Variants in PARD3B observed in about 807,000 individuals in gnomAD.
The protein encoded by PARD3B is par-3 family cell polarity regulator beta.
Under a neutral mutation model 130.2 loss-of-function variants are expected in PARD3B, and 103 were observed. The observed-to-expected ratio is 0.79, with a 90% CI of 0.67 to 0.93. The LOEUF is 0.93. Among genes scored for constraint, PARD3B ranks in the 40% least tolerant of loss-of-function variants. PARD3B has a pLI of 0.00. For missense variants in PARD3B, 1,609 were observed against 1,499.2 expected (o/e 1.07, Z -1.21); for synonymous variants, 583 against 553.2 (o/e 1.05, Z -0.76).
chr2:204,599,114 A>G (rs2033409909), intron 1 of PARD3B, among the ~76,000 whole-genome samples: 2 of 151,924 alleles, frequency 1.3e-5, no homozygotes, highest in African/African-American at 2.4e-5. Flanking sequence ...CTTTCGATAC[A>G]TACAGTGAAG....
intron 1 of PARD3B, among the ~76,000 whole-genome samples, chr2:204,574,884 A>C (rs1353437106): frequency 6.6e-6 from 1 of 152,252 alleles, no homozygotes; most frequent in Non-Finnish European, 1.5e-5. Flanking sequence ...ACATGAATGT[A>C]TAAATTAACA....
intron 1 of PARD3B, among the ~76,000 whole-genome samples, chr2:204,559,456 C>G (rs1042517554): frequency 6.6e-5 from 10 of 152,172 alleles, no homozygotes; most frequent in Non-Finnish European, 1.3e-4. Context: ...CATCACTGAT[C>G]ATCAGAGAAA....
At chr2:204,888,583 T>G (rs566996596) in intron 2 of PARD3B, among the ~76,000 whole-genome samples, 1 of 151,860 alleles carries the variant, frequency 6.6e-6, no homozygotes, top group East Asian at 1.9e-4. Context: ...ATACAATAAT[T>G]AGATGGATGT....
At chr2:205,113,430 GA>G in intron 5 of PARD3B, 60 bp from the exon 6 acceptor site, 1 of 996,816 alleles carries the variant, frequency 1.0e-6, no homozygotes, top group African/African-American at 1.6e-5. Context: ...GTGTATTTTA[GA>G]TGTGCTCCCT....
intron 2 of PARD3B, among the ~76,000 whole-genome samples, chr2:204,736,239 G>A (rs893601724): frequency 2.6e-5 from 4 of 151,822 alleles, no homozygotes; most frequent in Middle Eastern, 3.4e-3. Context: ...AAATGCATTA[G>A]TTAAAACAAA....
chr2:205,358,338 G>A (rs1200299682), intron 18 of PARD3B, among the ~76,000 whole-genome samples: 2 of 152,200 alleles, frequency 1.3e-5, no homozygotes, highest in African/African-American at 2.4e-5. Flanking sequence ...AGTGAACTCT[G>A]ATAAGATTCA....
At chr2:204,766,776 T>A (rs1574931784) in intron 2 of PARD3B, among the ~76,000 whole-genome samples, 1 of 149,052 alleles carries the variant, frequency 6.7e-6, no homozygotes, top group Non-Finnish European at 1.5e-5. Flanking sequence ...TTTCTAAAGC[T>A]TATGAAGTTG....
intron 2 of PARD3B, among the ~76,000 whole-genome samples, chr2:204,893,003 T>A (rs1160530854): frequency 1.3e-5 from 2 of 152,120 alleles, no homozygotes; most frequent in African/African-American, 2.4e-5. Flanking sequence ...ATGGAAGTGG[T>A]TTTTGAATCA....
At chr2:205,519,354 C>G (rs767092043) in intron 21 of PARD3B, among the ~76,000 whole-genome samples, 8 of 152,146 alleles carry the variant, frequency 5.3e-5, no homozygotes, top group African/African-American at 1.9e-4. Context: ...CTTTCCTGAT[C>G]TTTGTTTATT....
intron 10 of PARD3B, among the ~76,000 whole-genome samples, chr2:205,151,098 A>G (rs1036656342): frequency 6.6e-6 from 1 of 152,216 alleles, no homozygotes; most frequent in Admixed American, 6.5e-5. Context: ...TTAAAACACC[A>G]TGCTGTACTC....
At chr2:204,659,610 C>A (rs1156320555) in intron 1 of PARD3B, among the ~76,000 whole-genome samples, 1 of 152,072 alleles carries the variant, frequency 6.6e-6, no homozygotes, top group Non-Finnish European at 1.5e-5. Context: ...CCCACATCAT[C>A]CCAAGAGGAG....
At chr2:205,492,965 G>A (rs2049778215) in intron 20 of PARD3B, among the ~76,000 whole-genome samples, 1 of 152,010 alleles carries the variant, frequency 6.6e-6, no homozygotes, top group South Asian at 2.1e-4. Flanking sequence ...CTAAATGCAT[G>A]TACAAGAGTC....
chr2:205,308,939 G>A (rs1204170913), intron 18 of PARD3B, among the ~76,000 whole-genome samples: 1 of 152,196 alleles, frequency 6.6e-6, no homozygotes, highest in African/African-American at 2.4e-5. Flanking sequence ...TCCCACCCTT[G>A]GTGACGGTCT....
intron 15 of PARD3B, among the ~76,000 whole-genome samples, chr2:205,212,204 A>C (rs1331263397): frequency 1.8e-5 from 1 of 54,952 alleles, no homozygotes; most frequent in Non-Finnish European, 3.3e-5. Flanking sequence ...TGTCAGTGAA[A>C]CTAACAGATT....
At chr2:204,634,270 C>T (rs1225493797) in intron 1 of PARD3B, among the ~76,000 whole-genome samples, 1 of 152,130 alleles carries the variant, frequency 6.6e-6, no homozygotes, top group East Asian at 1.9e-4. Context: ...TGGCCTATTT[C>T]ACTTAACATA....
intron 2 of PARD3B, among the ~76,000 whole-genome samples, chr2:204,924,475 C>T (rs879230387): frequency 6.6e-6 from 1 of 151,952 alleles, no homozygotes; most frequent in Admixed American, 6.6e-5. Flanking sequence ...AGCATATGTA[C>T]AGCAATACCA....
chr2:205,543,314 C>A (rs2052245203), intron 21 of PARD3B, among the ~76,000 whole-genome samples: 1 of 151,966 alleles, frequency 6.6e-6, no homozygotes, highest in African/African-American at 2.4e-5. Context: ...TTTTGCTATA[C>A]CAAAAAATTA....
chr2:205,005,630 C>G (rs954004772), intron 3 of PARD3B, among the ~76,000 whole-genome samples: 5 of 151,900 alleles, frequency 3.3e-5, no homozygotes, highest in African/African-American at 9.7e-5. Context: ...AGATGCAAGG[C>G]AAACAGAAAG....
Position 204,855,552 on chromosome 2 carries a change from A to AT in PARD3B, c.223-109600_223-109599insT, listed in dbSNP as rs1553540279. On this transcript the variant is annotated intron_variant, in intron 2 of 22. Coordinates refer to ENST00000406610, the MANE Select transcript of PARD3B (RefSeq NM_001302769.2). ...CAAGACTCCCTCTAAAAGAAAAAAA[A>AT]ATATATATATATATATATATAAGGA... 3.9e-3 allele frequency among the ~76,000 whole-genome samples: 564 copies of AT among 143,126 alleles called. 2 individuals are homozygous for AT. The highest frequency in any genetic ancestry group is 4.1e-3 in the Non-Finnish European group (272 of 66,360). 93.9% of individuals were successfully genotyped at this position (143,126 alleles called of 152,430 possible).
Sources: gnomAD v4.1 joint callset for allele counts (sites outside exome capture counted in the v4.1 genomes callset) on GRCh38, gnomAD v4.1.1 for gene constraint, MANE v1.5 for transcripts, NCBI Gene and HGNC (gene_info 2026-07-23, HGNC 2026-07-21) for gene names.